Variants in PPM1D observed in about 807,000 individuals in gnomAD.
PPM1D encodes the protein protein phosphatase 1D.
Under a neutral mutation model 58.3 loss-of-function variants are expected in PPM1D, and 52 were observed. The observed-to-expected ratio is 0.89, with a 90% CI of 0.71 to 1.12. The LOEUF (loss-of-function observed/expected upper bound fraction) is 1.12, where lower values mean the gene tolerates loss of function less well. Ranked by LOEUF, PPM1D falls within the 50% of genes most tolerant of loss-of-function variation. PPM1D has a pLI of 0.00. For synonymous variants in PPM1D, 278 were observed against 285.1 expected, an observed-to-expected ratio of 0.98 and a Z score of 0.25; for missense variants, 564 against 777.2, an observed-to-expected ratio of 0.73 and a Z score of 3.26.
intron 4 of PPM1D, among the ~76,000 whole-genome samples, chr17:60,650,935 G>C (rs879420862): frequency 2.6e-5 from 4 of 152,184 alleles, no homozygotes; most frequent in South Asian, 2.1e-4. Context: ...CTCCAGCCTG[G>C]ACAACATAGT....
Position 60,623,711 on chromosome 17 carries a change from T to C in PPM1D, c.663T>C (p.Leu221=), listed in dbSNP as rs200888480. 3 of 1,614,152 alleles carry C rather than the reference T, an allele frequency of 1.9e-6. No individual in the cohort carries two copies. The African/African-American group carries it at 4.0e-5, about 22-fold the overall frequency. Residue 221 remains leucine, a synonymous_variant, in exon 2 of 6, where the codon CTT becomes CTC. Coordinates refer to ENST00000305921, the MANE Select transcript of PPM1D (RefSeq NM_003620.4). Reference sequence around the variant, plus strand: ...TGACACAGGACCATAAGCCAGAACTTCCCAAGGAAAGAGAACGAATCGAAG... The same window carrying C: ...TGACACAGGACCATAAGCCAGAACTCCCCAAGGAAAGAGAACGAATCGAAG... ...VEVTQDHKPE[L]PKERERIEGL... is the part of the protein sequence containing the mutation.
At chr17:60,640,500 CCATT>C (rs1397377992) in intron 3 of PPM1D, among the ~76,000 whole-genome samples, 1 of 152,124 alleles carries the variant, frequency 6.6e-6, no homozygotes, top group African/African-American at 2.4e-5. Flanking sequence ...CTGTCATCCA[CCATT>C]CATCCTAGAT....
chr17:60,648,605 G>C lies in PPM1D; in HGVS notation c.1017+523G>C, dbSNP rs529960227. On this transcript the variant is annotated intron_variant, in intron 4 of 5. Transcript: ENST00000305921. Reference sequence around the variant, plus strand: ...TCACCTTGTTAGCCAGGATGGTCTCGATCTGACCTCGTGATCCGCCTGCCT... The same window carrying C: ...TCACCTTGTTAGCCAGGATGGTCTCCATCTGACCTCGTGATCCGCCTGCCT... Among the ~76,000 whole-genome samples the C allele has an allele frequency of 7.2e-5, 11 of 151,960 alleles. No homozygotes were observed. In the South Asian group the frequency reaches 2.3e-3, roughly 32 times the overall value.
chr17:60,624,878 G>A (rs1332205113), intron 2 of PPM1D, among the ~76,000 whole-genome samples: 2 of 151,880 alleles, frequency 1.3e-5, no homozygotes, highest in South Asian at 2.1e-4. Flanking sequence ...AGTGGCTCAC[G>A]TCTGTAATCC....
chr17:60,641,346 A>T (rs1035138156), intron 3 of PPM1D, among the ~76,000 whole-genome samples: 1 of 152,184 alleles, frequency 6.6e-6, no homozygotes, highest in Non-Finnish European at 1.5e-5. Context: ...TCTAATGATT[A>T]CTAATGTGGA....
chr17:60,642,352 A>ATT (rs760188816), intron 3 of PPM1D, among the ~76,000 whole-genome samples: 6,195 of 124,780 alleles, frequency 0.05, 453 homozygotes, highest in African/African-American at 0.16. Flanking sequence ...AGAAGAATGG[A>ATT]TTTTTTTTTT....
rs573664701 is a variant in PPM1D, at chr17:60,612,744, T to C, written c.473-10777T>C. ...GGATGTGTACCAGATAACAGTCTGT[T>C]TTTTTTTTCAATGACGAGAATAAAT... On this transcript the variant is annotated intron_variant, in intron 1 of 5. Transcript: ENST00000305921. Among the ~76,000 whole-genome samples, 38 of 151,860 alleles carry C rather than the reference T, an allele frequency of 2.5e-4. No homozygotes were observed. In the South Asian group the frequency reaches 7.9e-3, roughly 32 times the overall value.
At chr17:60,617,937 C>CTTCCTGACT (rs2143644467) in intron 1 of PPM1D, among the ~76,000 whole-genome samples, 1 of 152,310 alleles carries the variant, frequency 6.6e-6, no homozygotes, top group South Asian at 2.1e-4. Flanking sequence ...AAAAAACTAC[C>CTTCCTGACT]TTCCTGACTT....
chr17:60,646,417 T>A (rs2031251939), intron 3 of PPM1D, among the ~76,000 whole-genome samples: 1 of 152,188 alleles, frequency 6.6e-6, no homozygotes, highest in African/African-American at 2.4e-5. Context: ...TTCCTCTTGT[T>A]TAACAAAAAA....
chr17:60,655,499 C>G (rs997973812), intron 4 of PPM1D, among the ~76,000 whole-genome samples: 29 of 152,092 alleles, frequency 1.9e-4, no homozygotes, highest in African/African-American at 6.3e-4. Context: ...CAGGCACACA[C>G]CACCATGCCT....
At chr17:60,622,023 T>TA (rs994250437) in intron 1 of PPM1D, among the ~76,000 whole-genome samples, 4 of 150,882 alleles carry the variant, frequency 2.7e-5, no homozygotes, top group Non-Finnish European at 4.4e-5. Flanking sequence ...CCGTCTCTAC[T>TA]AAAAAAATAC....
At chr17:60,644,131 G>A (rs1337752276) in intron 3 of PPM1D, among the ~76,000 whole-genome samples, 1 of 151,568 alleles carries the variant, frequency 6.6e-6, no homozygotes, top group African/African-American at 2.4e-5. Context: ...CACCTGCCTC[G>A]GCCTCCCAAA....
At chr17:60,645,052 GAGAA>G (rs1269714163) in intron 3 of PPM1D, among the ~76,000 whole-genome samples, 3 of 152,034 alleles carry the variant, frequency 2.0e-5, no homozygotes, top group Non-Finnish European at 4.4e-5. Flanking sequence ...GAGGTTTATT[GAGAA>G]AGAAATAGAG....
chr17:60,653,129 T>C (rs1163814461), intron 4 of PPM1D, among the ~76,000 whole-genome samples: 1 of 152,222 alleles, frequency 6.6e-6, no homozygotes. Context: ...TTTCATAGTT[T>C]GTGAGATCAA....
chr17:60,653,918 G>A (rs2031387706), intron 4 of PPM1D, among the ~76,000 whole-genome samples: 1 of 152,168 alleles, frequency 6.6e-6, no homozygotes, highest in Non-Finnish European at 1.5e-5. Flanking sequence ...AGCTCTAACA[G>A]TTTTTTGGTG....
At chr17:60,623,786 C>T (rs768075841) in intron 2 of PPM1D, 37 bp downstream of exon 2, 20 of 1,584,170 alleles carry the variant, frequency 1.3e-5, no homozygotes, top group Non-Finnish European at 1.7e-5. Flanking sequence ...TCTTTTGGTT[C>T]TATTTAGTCC....
chr17:60,611,935 GTCC>G (rs1477406953), intron 1 of PPM1D, among the ~76,000 whole-genome samples: 12 of 151,946 alleles, frequency 7.9e-5, no homozygotes, highest in East Asian at 1.9e-4. Flanking sequence ...TCACAATTAA[GTCC>G]TCCTATCATT....
chr17:60,662,614 T>C (rs922393580), intron 5 of PPM1D, among the ~76,000 whole-genome samples: 1 of 152,208 alleles, frequency 6.6e-6, no homozygotes, highest in Non-Finnish European at 1.5e-5. Context: ...GAAGAGTGAA[T>C]GTGTGCCTAT....
chr17:60,641,377 G>C (rs538518255), intron 3 of PPM1D, among the ~76,000 whole-genome samples: 11 of 152,080 alleles, frequency 7.2e-5, no homozygotes, highest in African/African-American at 2.7e-4. Context: ...ATTCTTGGCC[G>C]TTTGCATGTC....
Sources: allele counts gnomAD v4.1 joint callset (sites outside exome capture counted in the v4.1 genomes callset), GRCh38; gene constraint gnomAD v4.1.1; transcripts MANE v1.5; gene names NCBI Gene and HGNC (gene_info 2026-07-23, HGNC 2026-07-21).